The following ETFDH variants were observed in gnomAD, a reference collection of about 807,000 sequenced individuals.
The protein encoded by ETFDH is electron transfer flavoprotein-ubiquinone oxidoreductase, mitochondrial.
Under a neutral mutation model 73.2 loss-of-function variants are expected in ETFDH, and 61 were observed. That is an observed-to-expected ratio of 0.83 (90% confidence interval 0.68 to 1.03). The LOEUF (loss-of-function observed/expected upper bound fraction) is 1.03, where lower values mean the gene tolerates loss of function less well. ETFDH is among the 50% of genes least tolerant of loss of function. ETFDH has a pLI of 0.00. For synonymous variants in ETFDH, 243 were observed against 253.3 expected, an observed-to-expected ratio of 0.96 and a Z score of 0.39; for missense variants, 685 against 745.0, an observed-to-expected ratio of 0.92 and a Z score of 0.94.
At chr4:158,684,909 G>A in intron 4 of ETFDH, 192 bp from the exon 5 acceptor site, 1 of 615,222 alleles carries the variant, frequency 1.6e-6, no homozygotes, top group Non-Finnish European at 2.9e-6. Flanking sequence ...TTCTAACTTA[G>A]TGCTTTAATG....
chr4:158,680,328 C>A, intron 1 of ETFDH, 139 bp from the exon 2 acceptor site: 2 of 607,482 alleles, frequency 3.3e-6, no homozygotes, highest in Non-Finnish European at 5.9e-6. Context: ...TGAGAAAAAG[C>A]TATTCAAAGT....
chr4:158,693,343 T>C (rs181328597), intron 6 of ETFDH, among the ~76,000 whole-genome samples: 28 of 152,298 alleles, frequency 1.8e-4, no homozygotes, highest in Admixed American at 8.5e-4. Flanking sequence ...CATCTTATCA[T>C]AAGAATTCTG....
At chr4:158,673,907 ACTTCT>A (rs1479907940) in intron 1 of ETFDH, among the ~76,000 whole-genome samples, 7 of 152,222 alleles carry the variant, frequency 4.6e-5, no homozygotes, top group African/African-American at 9.6e-5. Context: ...GGACTTTGTG[ACTTCT>A]CTTCTCAACC....
chr4:158,672,836 A>G (rs1006042920), intron 1 of ETFDH, among the ~76,000 whole-genome samples: 9 of 143,436 alleles, frequency 6.3e-5, no homozygotes, highest in African/African-American at 2.2e-4. Context: ...TTGGAAATGG[A>G]AAAAAAAAAA....
intron 10 of ETFDH, 90 bp from the exon 11 acceptor site, chr4:158,706,095 TTCAC>T: frequency 1.1e-6 from 1 of 885,696 alleles, no homozygotes; most frequent in Non-Finnish European, 1.9e-6. Context: ...AAAGAAAAAC[TTCAC>T]TCATCAGCTA....
intron 6 of ETFDH, among the ~76,000 whole-genome samples, chr4:158,690,679 T>C (rs910464370): frequency 8.8e-5 from 3 of 33,966 alleles, no homozygotes; most frequent in South Asian, 1.8e-3. Context: ...CAAAACCCTG[T>C]CTTAAAAAAA....
At position 158,690,561 on chromosome 4, in the gene ETFDH, C is replaced by A; in HGVS notation, c.684+136C>A. ...GGGCTTCGTGGTATACACCTGTAGT[C>A]CTAGCTACTTTGGAGGCTGAAACAG... On this transcript the variant is annotated intron_variant, in intron 6 of 12. Transcript: ENST00000511912. 4 of 704,054 alleles carry A rather than the reference C, an allele frequency of 5.7e-6. No individual in the cohort carries two copies. The South Asian group carries it at 6.0e-5, about 11-fold the overall frequency. The allele number at this position is 704,054 out of a possible 1,614,324, so 43.6% of individuals were successfully genotyped here. A position where few individuals can be genotyped will look rare whatever the true frequency, so the allele number is the denominator to read the frequency against.
In ETFDH at chr4:158,708,837, A is replaced by C. The variant is rs1468645890; in HGVS notation, c.*310A>C. ...AGTTAAGTAATCAAATATAAAAATG[A>C]ATATATATTCTAGACTAAAGTTTTA... On this transcript the variant is annotated 3_prime_UTR_variant, in exon 13 of 13. Transcript: ENST00000511912. 3.2e-6 allele frequency: 1 copy of C among 314,636 alleles called. No individual in the cohort carries two copies. The highest frequency in any genetic ancestry group is 6.0e-6 in the Non-Finnish European group (1 of 165,418). The allele number at this position is 314,636 out of a possible 1,614,324, so 19.5% of individuals were successfully genotyped here. A position where few individuals can be genotyped will look rare whatever the true frequency, so the allele number is the denominator to read the frequency against.
chr4:158,697,384 C>T (rs576494403), intron 7 of ETFDH, among the ~76,000 whole-genome samples, 175 bp from the exon 8 acceptor site: 19 of 152,268 alleles, frequency 1.2e-4, no homozygotes, highest in Non-Finnish European at 1.6e-4. Context: ...CGTGAGCCAC[C>T]GTGCCCAGCC....
At chr4:158,693,050 C>T (rs1380336590) in intron 6 of ETFDH, among the ~76,000 whole-genome samples, 1 of 151,906 alleles carries the variant, frequency 6.6e-6, no homozygotes, top group East Asian at 1.9e-4. Flanking sequence ...ATAGTACTAC[C>T]ACAAGATTAG....
chr4:158,702,467 C>T (rs985105842), intron 9 of ETFDH, among the ~76,000 whole-genome samples: 1 of 152,060 alleles, frequency 6.6e-6, no homozygotes, highest in Non-Finnish European at 1.5e-5. Context: ...CCCCACGCCC[C>T]GCATCCCTTT....
chr4:158,703,091 A>T (rs376170202), intron 9 of ETFDH, among the ~76,000 whole-genome samples: 2 of 152,312 alleles, frequency 1.3e-5, no homozygotes, highest in East Asian at 3.9e-4. Context: ...TTTAGAGAAT[A>T]TTTTAACTAT....
rs115430761 is a variant in ETFDH at position 158,693,139 on chromosome 4, C to T, written c.685-2358C>T. 8.4e-3 allele frequency among the ~76,000 whole-genome samples: 1,286 copies of T among 152,208 alleles called. 7 individuals carry two copies. Among genetic ancestry groups the T allele is most frequent in the Non-Finnish European group, 0.014 (937 of 68,012 alleles). ...CCACTGTAGCTAAGCTTTCTCCCTG[C>T]GATTTCACTGAAACAGCTCTTGTTA... On this transcript the variant is annotated intron_variant, in intron 6 of 12. Coordinates refer to ENST00000511912, the MANE Select transcript of ETFDH (RefSeq NM_004453.4).
chr4:158,708,264 C>CT, intron 12 of ETFDH, 100 bp from the exon 13 acceptor site: 1 of 850,304 alleles, frequency 1.2e-6, no homozygotes, highest in Non-Finnish European at 1.9e-6. Context: ...AGAAAGCAAC[C>CT]TTTAAGGTTT....
intron 6 of ETFDH, among the ~76,000 whole-genome samples, chr4:158,691,329 T>C (rs978789181): frequency 5.9e-5 from 9 of 152,206 alleles, no homozygotes; most frequent in African/African-American, 2.2e-4. Flanking sequence ...TTTGTTTGTT[T>C]GTTTGTTTGT....
At chr4:158,692,800 C>T (rs1315788136) in intron 6 of ETFDH, among the ~76,000 whole-genome samples, 3 of 144,206 alleles carry the variant, frequency 2.1e-5, no homozygotes, top group Non-Finnish European at 4.5e-5. Context: ...GCAGAGGTTG[C>T]AGTGAGCCAC....
chr4:158,696,029 T>C (rs1250586539), intron 7 of ETFDH, among the ~76,000 whole-genome samples: 2 of 152,188 alleles, frequency 1.3e-5, no homozygotes, highest in Admixed American at 6.5e-5. Flanking sequence ...AAAATTGTAA[T>C]GTGAAGTTAA....
intron 9 of ETFDH, among the ~76,000 whole-genome samples, chr4:158,701,820 A>G (rs1375070724): frequency 1.3e-5 from 2 of 152,154 alleles, no homozygotes; most frequent in Non-Finnish European, 2.9e-5. Context: ...ATAAGAGTAC[A>G]TTTTCCCATG....
At chr4:158,694,905 C>T (rs1774270213) in intron 6 of ETFDH, among the ~76,000 whole-genome samples, 1 of 152,148 alleles carries the variant, frequency 6.6e-6, no homozygotes, top group African/African-American at 2.4e-5. Context: ...AGACTGGCTC[C>T]ATGACCCTCC....
Sources: allele counts gnomAD v4.1 joint callset (sites outside exome capture counted in the v4.1 genomes callset), GRCh38; gene constraint gnomAD v4.1.1; transcripts MANE v1.5; gene names NCBI Gene and HGNC (gene_info 2026-07-23, HGNC 2026-07-21).